Variants in ABCA13 observed in about 807,000 individuals in gnomAD.
The protein encoded by ABCA13 is ATP binding cassette subfamily A member 13.
Under a neutral mutation model 478.7 loss-of-function variants are expected in ABCA13, and 476 were observed. That is an observed-to-expected ratio of 0.99 (90% confidence interval 0.92 to 1.07). ABCA13 has a LOEUF of 1.07. ABCA13 is among the 50% of genes least tolerant of loss of function. The pLI, the probability that ABCA13 is intolerant of heterozygous loss-of-function variation, is 0.00. For synonymous variants in ABCA13, 2,252 were observed against 2,158.9 expected (o/e 1.04, Z -1.20); for missense variants, 6,060 against 5,910.6 (o/e 1.03, Z -0.83).
At chr7:48,311,291 A>G (rs2128882565) in intron 24 of ABCA13, among the ~76,000 whole-genome samples, 1 of 152,290 alleles carries the variant, frequency 6.6e-6, no homozygotes, top group Middle Eastern at 3.4e-3. Flanking sequence ...CTCCAAGAAC[A>G]AATATTTGTT....
In ABCA13 at chr7:48,279,765, C is replaced by A. The variant is rs562649631; in HGVS notation, c.8571C>A (p.Thr2857=). The A allele has an allele frequency of 6.2e-7, 1 of 1,610,764 alleles. No individual in the cohort carries two copies. Among genetic ancestry groups the A allele is most frequent in the South Asian group, 1.1e-5 (1 of 90,160 alleles). The change falls in exon 18 of 62, where the codon ACC becomes ACA. Residue 2857 remains threonine, a synonymous_variant. Transcript: ENST00000435803. The part of the protein sequence containing the change: ...PLFEIFIKAT[T]GKNVTSEKEE... ...TTGAGATTTTCATTAAAGCAACCAC[C>A]GGAAAGAATGTCACATCAGAAAAAG...
intron 3 of ABCA13, among the ~76,000 whole-genome samples, chr7:48,206,674 A>G (rs1784968513): frequency 2.6e-5 from 4 of 152,120 alleles, no homozygotes; most frequent in African/African-American, 9.7e-5. Flanking sequence ...GATACATACT[A>G]GTTTTATATA....
chr7:48,505,808 A>G (rs1831153387), intron 48 of ABCA13, among the ~76,000 whole-genome samples: 1 of 152,036 alleles, frequency 6.6e-6, no homozygotes, highest in Non-Finnish European at 1.5e-5. Flanking sequence ...CAGTTTCTTC[A>G]TTTTGGCCGC....
In ABCA13 at chr7:48,271,831, T is replaced by C. The variant is rs1409759240; in HGVS notation, c.2165T>C (p.Leu722Ser). The C allele has an allele frequency of 6.4e-7, 1 of 1,564,060 alleles. No homozygotes were observed. Among genetic ancestry groups the C allele is most frequent in the South Asian group, 1.2e-5 (1 of 83,742 alleles). The change falls in exon 17 of 62, where the codon TTG becomes TCG. Residue 722 changes from leucine to serine, a missense_variant. This residue lies in a region of ABCA13 where 4,423 missense variants were observed against 4,309.1 expected (regional missense o/e 1.03). Transcript: ENST00000435803. ...TKHLLMMEKK[L>S]HTLEDEQMNF... is the part of the protein sequence containing the mutation. ...CACCTTCTAATGATGGAAAAGAAGT[T>C]GCACACCCTTGAGGATGAACAAATG... is the stretch of plus-strand genomic sequence containing the variant.
intron 58 of ABCA13, among the ~76,000 whole-genome samples, chr7:48,613,560 G>A (rs1463359585): frequency 1.4e-5 from 2 of 142,442 alleles, no homozygotes; most frequent in Admixed American, 1.5e-4. Context: ...TTCTTCCATT[G>A]CTTTTCTGCT....
chr7:48,578,428 T>C (rs1788397766), intron 55 of ABCA13, among the ~76,000 whole-genome samples: 1 of 152,150 alleles, frequency 6.6e-6, no homozygotes, highest in South Asian at 2.1e-4. Context: ...ATATCTACAA[T>C]GAATAATTGG....
At chr7:48,534,342 G>A (rs1833429882) in intron 55 of ABCA13, among the ~76,000 whole-genome samples, 1 of 152,104 alleles carries the variant, frequency 6.6e-6, no homozygotes, top group African/African-American at 2.4e-5. Flanking sequence ...TGAGAAATCT[G>A]CTGTTATTCT....
At position 48,551,687 on chromosome 7, in the gene ABCA13, T is replaced by C. The variant is rs755961007; in HGVS notation, c.14354+23342T>C. ...TGACCACCAACTTTTTCATTCATTA[T>C]AATAATGCTTAATTCCCAGTTTGGT... On this transcript the variant is annotated intron_variant, in intron 55 of 61. Coordinates refer to ENST00000435803, the MANE Select transcript of ABCA13 (RefSeq NM_152701.5). 3.4e-4 allele frequency among the ~76,000 whole-genome samples: 52 copies of C among 151,712 alleles called. 2 individuals carry two copies. The highest frequency in any genetic ancestry group is 3.2e-3 in the Middle Eastern group (1 of 314).
chr7:48,545,103 G>A (rs57877708), intron 55 of ABCA13, among the ~76,000 whole-genome samples: 21,277 of 151,626 alleles, frequency 0.14, 2,072 homozygotes, highest in African/African-American at 0.23. Flanking sequence ...TAAGAAAGGG[G>A]CAAAGCATAT....
intron 33 of ABCA13, among the ~76,000 whole-genome samples, chr7:48,373,552 G>C (rs987319785): frequency 6.6e-6 from 1 of 152,158 alleles, no homozygotes; most frequent in African/African-American, 2.4e-5. Context: ...CATTGGTCTT[G>C]ATTAGCTTAT....
At chr7:48,262,935 T>A (rs1018188220) in intron 15 of ABCA13, among the ~76,000 whole-genome samples, 4 of 151,984 alleles carry the variant, frequency 2.6e-5, no homozygotes, top group African/African-American at 9.7e-5. Context: ...TTTGAGTAAA[T>A]GAATGTATCA....
intron 58 of ABCA13, among the ~76,000 whole-genome samples, chr7:48,608,731 C>T (rs1791726946): frequency 6.6e-6 from 1 of 152,238 alleles, no homozygotes; most frequent in African/African-American, 2.4e-5. Flanking sequence ...GGGGAGCAGC[C>T]TATGGCTGGA....
chr7:48,555,028 G>C (rs1785670265), intron 55 of ABCA13, among the ~76,000 whole-genome samples: 1 of 150,902 alleles, frequency 6.6e-6, no homozygotes, highest in South Asian at 2.1e-4. Context: ...GTTTTTTGAG[G>C]GTTTTTAATC....
intron 57 of ABCA13, among the ~76,000 whole-genome samples, chr7:48,588,263 T>G (rs1308272705): frequency 6.6e-6 from 1 of 152,228 alleles, no homozygotes; most frequent in Non-Finnish European, 1.5e-5. Flanking sequence ...AATCTGATAA[T>G]AAAAACTACC....
chr7:48,454,950 G>C, intron 42 of ABCA13, 87 bp from the exon 43 acceptor site: 1 of 1,413,634 alleles, frequency 7.1e-7, no homozygotes, highest in East Asian at 2.6e-5. Flanking sequence ...GCGAGATGCC[G>C]CAGGGTCACC....
At chr7:48,374,445 T>C in intron 34 of ABCA13, 29 bp downstream of exon 34, 1 of 1,579,380 alleles carries the variant, frequency 6.3e-7, no homozygotes, top group Non-Finnish European at 8.6e-7. Context: ...AAAAAGTGAC[T>C]CTCAGTGAAT....
At chr7:48,298,545 T>C in intron 23 of ABCA13, 58 bp downstream of exon 23, 1 of 1,572,722 alleles carries the variant, frequency 6.4e-7, no homozygotes, top group Non-Finnish European at 8.6e-7. Flanking sequence ...TAGCCTGAAG[T>C]CACTGGCACT....
Position 48,516,806 on chromosome 7 carries a change from A to G in ABCA13, c.13722A>G (p.Leu4574=). ...SDVAFISYVS[L]NFIFGLCTML... ...TGGCTTTCATTTCCTATGTCTCACT[A>G]AACTTCATCTTTGGCCTTTGTACCA... Residue 4574 remains leucine, a synonymous_variant, in exon 52 of 62, where the codon CTA becomes CTG. Transcript: ENST00000435803. 1 of 1,613,790 alleles carries G rather than the reference A, an allele frequency of 6.2e-7. No individual in the cohort carries two copies. Among genetic ancestry groups the G allele is most frequent in the Non-Finnish European group, 8.5e-7 (1 of 1,179,776 alleles).
At chr7:48,599,153 C>T (rs1790607513) in intron 58 of ABCA13, among the ~76,000 whole-genome samples, 1 of 151,736 alleles carries the variant, frequency 6.6e-6, no homozygotes, top group South Asian at 2.1e-4. Flanking sequence ...TTTTCATTAT[C>T]TTGAAATATT....
Sources: allele counts gnomAD v4.1 joint callset (sites outside exome capture counted in the v4.1 genomes callset), GRCh38; gene constraint gnomAD v4.1.1; regional missense constraint gnomAD v4.1.1; transcripts MANE v1.5; gene names NCBI Gene and HGNC (gene_info 2026-07-23, HGNC 2026-07-21).